Variants in EPS8 observed in about 807,000 individuals in gnomAD.
EPS8 encodes the protein EGFR pathway substrate 8, signaling adaptor.
EPS8 carries 42 observed loss-of-function variants against 103.8 expected under a neutral mutation model. The ratio of observed to expected loss-of-function variants is 0.40; its 90% CI spans 0.32 to 0.52. The LOEUF is 0.52. Ranked by LOEUF, EPS8 falls within the 20% of genes least tolerant of loss-of-function variation. The pLI is 0.40. For synonymous variants in EPS8, 344 were observed against 344.6 expected (o/e 1.00, Z 0.02); for missense variants, 969 against 1,005.1 (o/e 0.96, Z 0.49).
At chr12:15,722,146 G>T (rs1946603599) in intron 1 of EPS8, among the ~76,000 whole-genome samples, 1 of 145,746 alleles carries the variant, frequency 6.9e-6, no homozygotes, top group Middle Eastern at 3.4e-3. Flanking sequence ...GGAAGAAGAA[G>T]AATTGTCTTG....
At chr12:15,640,375 T>C (rs1240080747) in intron 17 of EPS8, among the ~76,000 whole-genome samples, 1 of 152,160 alleles carries the variant, frequency 6.6e-6, no homozygotes, top group African/African-American at 2.4e-5. Context: ...AGGAAGCCCC[T>C]GGTGGATAGC....
intron 1 of EPS8, among the ~76,000 whole-genome samples, chr12:15,720,905 T>A (rs1946587906): frequency 6.6e-6 from 1 of 152,210 alleles, no homozygotes; most frequent in Admixed American, 6.5e-5. Flanking sequence ...TTTAAAGTGC[T>A]GTATGAGATT....
intron 1 of EPS8, among the ~76,000 whole-genome samples, chr12:15,707,712 A>G (rs1946406458): frequency 6.6e-6 from 1 of 152,148 alleles, no homozygotes; most frequent in African/African-American, 2.4e-5. Context: ...CTTGTAATGA[A>G]GTTGGTGGTT....
intron 1 of EPS8, among the ~76,000 whole-genome samples, chr12:15,783,881 T>A (rs987682856): frequency 6.6e-6 from 1 of 152,094 alleles, no homozygotes. Context: ...ATAAAAACAT[T>A]TTCAATTCTA....
In EPS8 at chr12:15,747,825, C is replaced by A. The variant is rs190074659; in HGVS notation, c.-22+41336G>T. 6.6e-5 allele frequency among the ~76,000 whole-genome samples: 10 copies of A among 152,192 alleles called. No individual in the cohort carries two copies. The East Asian group carries it at 1.9e-3, about 29-fold the overall frequency. ...CACGAGGTCAGGAGATCGAGACCAT[C>A]CTGGCTAACACGGTGAAACCCCGTC... On this transcript the variant is annotated intron_variant, in intron 1 of 20. Transcript: ENST00000281172. This position sits in a 1 kb window ranked among gnomAD's most constrained non-coding sequence, Gnocchi z 4.4.
chr12:15,770,792 T>G (rs576445471), intron 1 of EPS8, among the ~76,000 whole-genome samples: 5 of 152,328 alleles, frequency 3.3e-5, no homozygotes, highest in African/African-American at 1.2e-4. Flanking sequence ...TTAGGCTCAG[T>G]AAAAACTGTG....
chr12:15,669,759 A>G lies in EPS8; in HGVS notation c.271T>C (p.Leu91=), dbSNP rs764485109. 1.3e-5 allele frequency: 21 copies of G among 1,613,664 alleles called. No individual in the cohort carries two copies. In the South Asian group the frequency reaches 1.3e-4, roughly 10 times the overall value. The part of the protein sequence containing the change: ...MITVDDGIRK[L]KLLDAKGKVW... Reference sequence around the variant, plus strand: ...TTGCCCTTGGCATCAAGCAATTTCAATTTCCTTATTCCATCATCAACAGTG... The same window carrying G: ...TTGCCCTTGGCATCAAGCAATTTCAGTTTCCTTATTCCATCATCAACAGTG... Residue 91 remains leucine (L), a synonymous_variant, in exon 5 of 21, where the codon TTG becomes CTG. Coordinates refer to ENST00000281172, the MANE Select transcript of EPS8 (RefSeq NM_004447.6).
Position 15,669,481 on chromosome 12 carries a change from T to C in EPS8, c.422A>G (p.His141Arg). Residue 141 changes from histidine to arginine, a missense_variant, in exon 6 of 21, where the codon CAT becomes CGT. Physicochemically the swap from His to Arg is conservative, Grantham distance 29. Coordinates refer to ENST00000281172, the MANE Select transcript of EPS8 (RefSeq NM_004447.6). ...NTIQHCQAVM[H>R]SCSYDSVLAL... Reference sequence around the variant, plus strand: ...AAGAACTGAATCATAGCTGCATGAATGCATCACAGCTTGGCAGTGCTGGAT... The same window carrying C: ...AAGAACTGAATCATAGCTGCATGAACGCATCACAGCTTGGCAGTGCTGGAT... 1 of 1,613,994 alleles carries C rather than the reference T, an allele frequency of 6.2e-7. No homozygotes were observed. Among genetic ancestry groups the C allele is most frequent in the South Asian group, 1.1e-5 (1 of 91,036 alleles).
rs1944854231 is a variant in EPS8 at position 15,621,078 on chromosome 12, T to A, written c.*239A>T. ...TTAGTCTAATTAAGGAAACTTCACC[T>A]TGGTAAAGTAAGAAAAATATTTTCC... On this transcript the variant is annotated 3_prime_UTR_variant, in exon 21 of 21. Transcript: ENST00000281172. 2 of 389,970 alleles carry A rather than the reference T, an allele frequency of 5.1e-6. No individual in the cohort carries two copies. The highest frequency in any genetic ancestry group is 9.0e-6 in the Non-Finnish European group (2 of 222,938). 24.2% of individuals were successfully genotyped at this position (389,970 alleles called of 1,614,324 possible).
chr12:15,651,748 T>C (rs1348079115), intron 13 of EPS8, among the ~76,000 whole-genome samples: 1 of 152,232 alleles, frequency 6.6e-6, no homozygotes, highest in African/African-American at 2.4e-5. Flanking sequence ...CTTCATGTTA[T>C]AGTTCTACTA....
At chr12:15,621,712 TGAGA>T (rs1565462039) in intron 20 of EPS8, among the ~76,000 whole-genome samples, 1 of 152,200 alleles carries the variant, frequency 6.6e-6, no homozygotes, top group East Asian at 1.9e-4. Context: ...CTAGGTTTGC[TGAGA>T]GAAAGAGGAA....
At chr12:15,671,082 G>A (rs998030748) in intron 3 of EPS8, among the ~76,000 whole-genome samples, 159 bp from the exon 4 acceptor site, 2 of 151,976 alleles carry the variant, frequency 1.3e-5, no homozygotes, top group Admixed American at 6.6e-5. Context: ...CTCATTATTC[G>A]CAGTAAATCT....
chr12:15,678,119 T>C (rs2135875424), intron 3 of EPS8, among the ~76,000 whole-genome samples: 1 of 152,272 alleles, frequency 6.6e-6, no homozygotes, highest in South Asian at 2.1e-4. Flanking sequence ...ACAGATGCTA[T>C]ACATAAGTTA....
rs1946755889 is a variant in EPS8, at chr12:15,735,104, G to A, written c.-21-52132C>T. On this transcript the variant is annotated intron_variant, in intron 1 of 20. Transcript: ENST00000281172. This position sits in a 1 kb window ranked among gnomAD's most constrained non-coding sequence, Gnocchi z 4.4. ...GTAGTATTCCCAGGTACATGCAAAT[G>A]ACAAAGTTTCCAAAGAAACAGTAGA... is the stretch of plus-strand genomic sequence containing the variant. Among the ~76,000 whole-genome samples, 1 of 152,092 alleles carries A rather than the reference G, an allele frequency of 6.6e-6. No individual in the cohort carries two copies. Among genetic ancestry groups the A allele is most frequent in the Non-Finnish European group, 1.5e-5 (1 of 68,020 alleles).
chr12:15,654,631 T>G (rs1020853419), intron 12 of EPS8, among the ~76,000 whole-genome samples: 4 of 152,292 alleles, frequency 2.6e-5, no homozygotes, highest in Admixed American at 1.3e-4. Context: ...TTGTTGTTGT[T>G]TTAAATATGT....
At chr12:15,638,795 CT>C (rs1198813200) in intron 17 of EPS8, among the ~76,000 whole-genome samples, 1 of 152,144 alleles carries the variant, frequency 6.6e-6, no homozygotes, top group African/African-American at 2.4e-5. Flanking sequence ...TCTGAAAATA[CT>C]TTCCCTGCGT....
At chr12:15,691,369 C>T (rs960824427) in intron 1 of EPS8, among the ~76,000 whole-genome samples, 2 of 151,684 alleles carry the variant, frequency 1.3e-5, no homozygotes, top group African/African-American at 2.4e-5. Flanking sequence ...AGTAAGGTCC[C>T]ATTTCTACCA....
chr12:15,674,604 C>T (rs958496472), intron 3 of EPS8, among the ~76,000 whole-genome samples: 1 of 152,126 alleles, frequency 6.6e-6, no homozygotes, highest in Admixed American at 6.5e-5. Context: ...TTTAAAACTA[C>T]ATTAAGAACT....
chr12:15,621,101 T>G lies in EPS8; in HGVS notation c.*216A>C. The G allele has an allele frequency of 2.4e-6, 1 of 424,318 alleles. No homozygotes were observed. 26.3% of individuals were successfully genotyped at this position (424,318 alleles called of 1,614,324 possible). A position where few individuals can be genotyped will look rare whatever the true frequency, so the allele number is the denominator to read the frequency against. On this transcript the variant is annotated 3_prime_UTR_variant, in exon 21 of 21. Coordinates refer to ENST00000281172, the MANE Select transcript of EPS8 (RefSeq NM_004447.6). ...CCTTGGTAAAGTAAGAAAAATATTT[T>G]CCAAGGTCAAAAAATTCAGTTTAAA... is the stretch of plus-strand genomic sequence containing the variant.
Sources: gnomAD v4.1 joint callset for allele counts (sites outside exome capture counted in the v4.1 genomes callset) on GRCh38, gnomAD v4.1.1 for gene constraint, Gnocchi (gnomAD v3.1) non-coding constraint, MANE v1.5 for transcripts, NCBI Gene and HGNC (gene_info 2026-07-23, HGNC 2026-07-21) for gene names.